ANKRD31: variants seen among roughly 807,000 people sequenced by gnomAD.
ANKRD31 encodes ankyrin repeat domain 31.
ANKRD31 carries 147 observed loss-of-function variants against 186.0 expected under a neutral mutation model. The observed-to-expected ratio is 0.79, with a 90% CI of 0.69 to 0.91. The LOEUF is 0.91. Among genes scored for constraint, ANKRD31 ranks in the 40% least tolerant of loss-of-function variants. ANKRD31 has a pLI of 0.00. For missense variants in ANKRD31, 1,986 were observed against 2,148.8 expected (o/e 0.92, Z 1.50); for synonymous variants, 673 against 736.4 (o/e 0.91, Z 1.39).
At chr5:75,084,129 G>T in intron 24 of ANKRD31, 143 bp downstream of exon 24, 1 of 651,356 alleles carries the variant, frequency 1.5e-6, no homozygotes, top group Non-Finnish European at 2.6e-6. Context: ...AAATGCCACT[G>T]AATTGTTCAC....
chr5:75,220,553 A>T (rs1010948613), intron 3 of ANKRD31, among the ~76,000 whole-genome samples: 4 of 152,112 alleles, frequency 2.6e-5, no homozygotes, highest in Admixed American at 1.3e-4. Context: ...GAGGCAGGAG[A>T]ATCACTTGAA....
intron 1 of ANKRD31, among the ~76,000 whole-genome samples, chr5:75,234,267 T>C (rs1758121561): frequency 6.6e-6 from 1 of 152,228 alleles, no homozygotes; most frequent in Non-Finnish European, 1.5e-5. Flanking sequence ...TTAATACAAG[T>C]AGAATTAGGT....
At chr5:75,164,514 G>A (rs532160976) in intron 11 of ANKRD31, among the ~76,000 whole-genome samples, 86 of 152,308 alleles carry the variant, frequency 5.6e-4, no homozygotes, top group Middle Eastern at 3.4e-3. Context: ...ATAAGCAGGC[G>A]TCAGAATTCC....
At chr5:75,078,713 T>A (rs1315917491) in intron 25 of ANKRD31, among the ~76,000 whole-genome samples, 1 of 152,214 alleles carries the variant, frequency 6.6e-6, no homozygotes. Flanking sequence ...GAAATAACTT[T>A]GTGAAAAATA....
chr5:75,164,399 A>G (rs1033180084), intron 11 of ANKRD31, among the ~76,000 whole-genome samples: 8 of 152,220 alleles, frequency 5.3e-5, no homozygotes, highest in Non-Finnish European at 1.2e-4. Flanking sequence ...GTAGCAACAG[A>G]TAACTAATAC....
chr5:75,130,459 C>A (rs548038055), intron 17 of ANKRD31, among the ~76,000 whole-genome samples: 1 of 151,652 alleles, frequency 6.6e-6, no homozygotes, highest in Non-Finnish European at 1.5e-5. Context: ...TTAAAGAGAG[C>A]TGATTGGTCC....
At chr5:75,099,371 G>A (rs1462016821) in intron 22 of ANKRD31, among the ~76,000 whole-genome samples, 2 of 152,150 alleles carry the variant, frequency 1.3e-5, no homozygotes, top group East Asian at 1.9e-4. Context: ...ATGTTCATCA[G>A]GGATATTGGT....
At chr5:75,126,182 C>T (rs1030256063) in intron 17 of ANKRD31, among the ~76,000 whole-genome samples, 1 of 152,162 alleles carries the variant, frequency 6.6e-6, no homozygotes, top group Non-Finnish European at 1.5e-5. Context: ...TGTTTCTCAC[C>T]TGTAATCCCA....
At chr5:75,155,566 C>T (rs958639765) in intron 11 of ANKRD31, among the ~76,000 whole-genome samples, 1 of 151,762 alleles carries the variant, frequency 6.6e-6, no homozygotes, top group Non-Finnish European at 1.5e-5. Flanking sequence ...TAGTATCTTA[C>T]GTGAAGTAAA....
chr5:75,116,693 A>G lies in ANKRD31; in HGVS notation c.4040-12T>C. The G allele has an allele frequency of 7.4e-7, 1 of 1,353,436 alleles. No homozygotes were observed. The highest frequency in any genetic ancestry group is 9.7e-7 in the Non-Finnish European group (1 of 1,030,254). 83.8% of individuals were successfully genotyped at this position (1,353,436 alleles called of 1,614,324 possible). ...AGCAGGAATTTTTTCTTTAAAAAGT[A>G]AAATTAGAAAATATAATAAGAATGT... On this transcript the variant is annotated splice_polypyrimidine_tract_variant and intron_variant, in intron 18 of 25. Transcript: ENST00000506364.
chr5:75,208,893 G>C (rs1756427957), intron 4 of ANKRD31, among the ~76,000 whole-genome samples: 1 of 152,032 alleles, frequency 6.6e-6, no homozygotes, highest in Admixed American at 6.6e-5. Flanking sequence ...TGGGTTATTG[G>C]GTAACCACAC....
intron 22 of ANKRD31, among the ~76,000 whole-genome samples, chr5:75,101,259 C>A (rs1362949003): frequency 6.6e-6 from 1 of 152,164 alleles, no homozygotes. Flanking sequence ...GGCCCCTACT[C>A]TCTTCTGGCT....
chr5:75,234,391 GA>G (rs1344365075), intron 1 of ANKRD31, among the ~76,000 whole-genome samples: 1 of 152,208 alleles, frequency 6.6e-6, no homozygotes, highest in Non-Finnish European at 1.5e-5. Flanking sequence ...GACTAGCCCT[GA>G]TTACTCATGC....
intron 10 of ANKRD31, 102 bp downstream of exon 10, chr5:75,188,391 T>G: frequency 8.7e-7 from 1 of 1,156,048 alleles, no homozygotes; most frequent in South Asian, 1.9e-5. Context: ...GCCTTCTGTT[T>G]GGAACTTACC....
chr5:75,171,193 T>C (rs1753291127), intron 10 of ANKRD31, among the ~76,000 whole-genome samples: 2 of 152,070 alleles, frequency 1.3e-5, no homozygotes, highest in South Asian at 4.1e-4. Context: ...ACCTGGGATA[T>C]TCAACAAAGG....
At chr5:75,092,819 G>A (rs1247631089) in intron 22 of ANKRD31, among the ~76,000 whole-genome samples, 1 of 152,072 alleles carries the variant, frequency 6.6e-6, no homozygotes, top group Non-Finnish European at 1.5e-5. Flanking sequence ...TTATAAATAT[G>A]TTCAAGGAAC....
In ANKRD31 at chr5:75,068,415, T is replaced by G; in HGVS notation, c.*104A>C. On this transcript the variant is annotated 3_prime_UTR_variant, in exon 26 of 26. Coordinates refer to ENST00000506364, the MANE Select transcript of ANKRD31 (RefSeq NM_001372053.1). ...AACATACATCCTAAATAGCAACTCA[T>G]AAAGTGTATGTTAAAATAGGCCCAC... 6 of 1,121,220 alleles carry G rather than the reference T, an allele frequency of 5.4e-6. No homozygotes were observed. Among genetic ancestry groups the G allele is most frequent in the Non-Finnish European group, 5.9e-6 (5 of 843,422 alleles). The allele number at this position is 1,121,220 out of a possible 1,614,324, so 69.5% of individuals were successfully genotyped here.
chr5:75,167,138 AC>A (rs1364296176), intron 11 of ANKRD31, among the ~76,000 whole-genome samples: 1 of 151,472 alleles, frequency 6.6e-6, no homozygotes, highest in Non-Finnish European at 1.5e-5. Context: ...TTTGACTATT[AC>A]GGATATTTCA....
intron 10 of ANKRD31, among the ~76,000 whole-genome samples, chr5:75,186,436 A>G (rs1754717434): frequency 6.6e-6 from 1 of 152,154 alleles, no homozygotes; most frequent in Admixed American, 6.6e-5. Flanking sequence ...CTCATATTTT[A>G]TGTTATCTAT....
Sources: allele counts gnomAD v4.1 joint callset (sites outside exome capture counted in the v4.1 genomes callset), GRCh38; gene constraint gnomAD v4.1.1; transcripts MANE v1.5; gene names NCBI Gene and HGNC (gene_info 2026-07-23, HGNC 2026-07-21).